Variants in SLC38A1 observed in about 807,000 individuals in gnomAD.
SLC38A1 encodes the protein sodium-coupled neutral amino acid symporter 1.
In SLC38A1, 18 loss-of-function variants were observed where a neutral mutation model predicts 60.3. The ratio of observed to expected loss-of-function variants is 0.30; its 90% CI spans 0.21 to 0.44. The LOEUF (loss-of-function observed/expected upper bound fraction) is 0.44, where lower values mean the gene tolerates loss of function less well. SLC38A1 is among the 20% of genes least tolerant of loss of function. SLC38A1 has a pLI of 1.00. For missense variants in SLC38A1, 448 were observed against 587.2 expected (o/e 0.76, Z 2.45); for synonymous variants, 196 against 212.1 (o/e 0.92, Z 0.66).
intron 5 of SLC38A1, among the ~76,000 whole-genome samples, chr12:46,227,536 C>T (rs923549449): frequency 2.6e-5 from 4 of 152,112 alleles, no homozygotes; most frequent in African/African-American, 9.7e-5. Flanking sequence ...CCTGGCACTA[C>T]CAGATACTAC....
At chr12:46,236,037 G>A (rs1383329371) in intron 3 of SLC38A1, among the ~76,000 whole-genome samples, 1 of 152,174 alleles carries the variant, frequency 6.6e-6, no homozygotes, top group Non-Finnish European at 1.5e-5. Flanking sequence ...AAAGGGGACT[G>A]CATTTTTACC....
intron 9 of SLC38A1, 32 bp from the exon 10 acceptor site, chr12:46,204,622 A>G (rs367771582): frequency 9.8e-6 from 15 of 1,534,862 alleles, no homozygotes; most frequent in Non-Finnish European, 1.3e-5. Context: ...AAATTATTTC[A>G]TTTTTTTCCA....
Position 46,186,808 on chromosome 12 carries a change from G to A in SLC38A1, c.*2162C>T, listed in dbSNP as rs950530356. 2 of 152,166 alleles carry A rather than the reference G, an allele frequency of 1.3e-5. No homozygotes were observed. Among genetic ancestry groups the A allele is most frequent in the Admixed American group, 1.3e-4 (2 of 15,272 alleles). 9.4% of individuals were successfully genotyped at this position (152,166 alleles called of 1,614,324 possible). A position where few individuals can be genotyped will look rare whatever the true frequency, so the allele number is the denominator to read the frequency against. On this transcript the variant is annotated 3_prime_UTR_variant, in exon 17 of 17. Transcript: ENST00000398637. ...ATAAGGTTCTAAATTGACTTTGTGA[G>A]GGTAAAATGAATTGCTATAAAGTAA...
rs537074811 is a variant in SLC38A1 at position 46,231,893 on chromosome 12, G to T, written c.123-2254C>A. ...GGCCTCCCAAAGTGTTGGGATTACA[G>T]GCATGAGCCACCGCACCCAGCCTCA... On this transcript the variant is annotated intron_variant, in intron 3 of 16. Transcript: ENST00000398637. Among the ~76,000 whole-genome samples, 4 of 152,324 alleles carry T rather than the reference G, an allele frequency of 2.6e-5. No homozygotes were observed. In the East Asian group the frequency reaches 7.7e-4, roughly 29 times the overall value.
rs1213387089 is a variant in SLC38A1 at position 46,183,959 on chromosome 12, G to T, written c.*5011C>A. The T allele has an allele frequency of 6.6e-6, 1 of 152,526 alleles. No individual in the cohort carries two copies. The highest frequency in any genetic ancestry group is 1.5e-5 in the Non-Finnish European group (1 of 68,006). The allele number at this position is 152,526 out of a possible 1,614,324, so 9.4% of individuals were successfully genotyped here. ...TCCTAGAGACTTCTATTTCAGTGCA[G>T]ATCAACAACTTCAAAAATATACAGC... On this transcript the variant is annotated 3_prime_UTR_variant, in exon 17 of 17. Coordinates refer to ENST00000398637, the MANE Select transcript of SLC38A1 (RefSeq NM_030674.4).
Position 46,187,765 on chromosome 12 carries a change from AAAGACT to A in SLC38A1, c.*1199_*1204del, listed in dbSNP as rs1181577785. 3.4e-5 allele frequency: 5 copies of A among 146,860 alleles called. No homozygotes were observed. Among genetic ancestry groups the A allele is most frequent in the Non-Finnish European group, 7.4e-5 (5 of 67,220 alleles). 9.1% of individuals were successfully genotyped at this position (146,860 alleles called of 1,614,324 possible). On this transcript the variant is annotated 3_prime_UTR_variant, in exon 17 of 17. Coordinates refer to ENST00000398637, the MANE Select transcript of SLC38A1 (RefSeq NM_030674.4). ...AGTGATTCTGTCAGAAGCTCTTCAC[AAAGACT>A]ATCTCTGAGGGTTTTTTTTTTTTTT...
intron 1 of SLC38A1, among the ~76,000 whole-genome samples, chr12:46,246,336 A>G (rs1439943397): frequency 6.6e-6 from 1 of 152,278 alleles, no homozygotes; most frequent in Non-Finnish European, 1.5e-5. Flanking sequence ...CTTAGCAAAC[A>G]GCAAACCAGG....
At chr12:46,201,681 G>A (rs1306656663) in intron 12 of SLC38A1, among the ~76,000 whole-genome samples, 1 of 151,902 alleles carries the variant, frequency 6.6e-6, no homozygotes, top group East Asian at 1.9e-4. Context: ...TAGGTCTCCA[G>A]CGCAGCAAGT....
At chr12:46,193,783 T>A (rs1424052792) in intron 16 of SLC38A1, among the ~76,000 whole-genome samples, 1 of 152,136 alleles carries the variant, frequency 6.6e-6, no homozygotes, top group Non-Finnish European at 1.5e-5. Flanking sequence ...TTCCATTTGC[T>A]TGGTAGATCT....
intron 5 of SLC38A1, among the ~76,000 whole-genome samples, chr12:46,213,992 T>C (rs189391281): frequency 6.6e-6 from 1 of 152,358 alleles, no homozygotes. Context: ...ATGAAGATAG[T>C]CCCATGATCT....
intron 16 of SLC38A1, 75 bp from the exon 17 acceptor site, chr12:46,189,146 G>C: frequency 9.1e-7 from 1 of 1,095,068 alleles, no homozygotes; most frequent in Non-Finnish European, 1.4e-6. Flanking sequence ...AAAAAAAATA[G>C]AACAGTTTTT....
At chr12:46,224,135 A>G (rs1341811040) in intron 5 of SLC38A1, among the ~76,000 whole-genome samples, 16 of 152,162 alleles carry the variant, frequency 1.1e-4, no homozygotes, top group Non-Finnish European at 1.5e-5. Flanking sequence ...TTTAGCATCT[A>G]TTGCCTTTTA....
At chr12:46,209,918 A>G (rs1312258449) in intron 5 of SLC38A1, among the ~76,000 whole-genome samples, 1 of 152,252 alleles carries the variant, frequency 6.6e-6, no homozygotes, top group East Asian at 1.9e-4. Flanking sequence ...ATTGAAAATA[A>G]AGCCTATTTA....
Position 46,210,210 on chromosome 12 carries a change from C to T in SLC38A1, c.315-1083G>A, listed in dbSNP as rs147969280. Among the ~76,000 whole-genome samples, 152 of 152,304 alleles carry T rather than the reference C, an allele frequency of 1.0e-3. 1 individual carries two copies. The East Asian group carries it at 0.026, about 27-fold the overall frequency. The stretch of plus-strand genomic sequence containing the variant: ...AACTCCTCAGTTGCCTTCCCTGGCC[C>T]CAGGCAGAATGACTGCTCCTCAGCT... On this transcript the variant is annotated intron_variant, in intron 5 of 16. Coordinates refer to ENST00000398637, the MANE Select transcript of SLC38A1 (RefSeq NM_030674.4).
At chr12:46,204,164 A>T (rs1344642854) in intron 11 of SLC38A1, 137 bp downstream of exon 11, 2 of 687,266 alleles carry the variant, frequency 2.9e-6, no homozygotes, top group East Asian at 5.0e-5. Flanking sequence ...CTCTACATAG[A>T]TGTGTAATCT....
intron 13 of SLC38A1, among the ~76,000 whole-genome samples, chr12:46,199,632 C>T (rs1592071355): frequency 6.6e-6 from 1 of 151,664 alleles, no homozygotes; most frequent in Non-Finnish European, 1.5e-5. Context: ...ATGCTGGGAT[C>T]ACAGGTGCAA....
chr12:46,191,882 A>T (rs1939160245), intron 16 of SLC38A1, among the ~76,000 whole-genome samples: 1 of 152,184 alleles, frequency 6.6e-6, no homozygotes, highest in African/African-American at 2.4e-5. Context: ...GCAAACAGAG[A>T]CAATTTGACT....
intron 5 of SLC38A1, among the ~76,000 whole-genome samples, chr12:46,219,328 T>C (rs1304983990): frequency 6.6e-6 from 1 of 152,256 alleles, no homozygotes; most frequent in Admixed American, 6.5e-5. Flanking sequence ...TCAGTTTCTT[T>C]ATCTATAAAA....
intron 13 of SLC38A1, among the ~76,000 whole-genome samples, chr12:46,199,289 A>G (rs1021452140): frequency 6.6e-6 from 1 of 150,484 alleles, no homozygotes; most frequent in African/African-American, 2.5e-5. Flanking sequence ...AAAAAAAAAA[A>G]TTAGTTTATG....
Sources: gnomAD v4.1 joint callset for allele counts (sites outside exome capture counted in the v4.1 genomes callset) on GRCh38, gnomAD v4.1.1 for gene constraint, MANE v1.5 for transcripts, NCBI Gene and HGNC (gene_info 2026-07-23, HGNC 2026-07-21) for gene names.